Variants in ACSS3 observed in about 807,000 individuals in gnomAD.
ACSS3 encodes acyl-CoA synthetase short-chain family member 3, mitochondrial.
A neutral mutation model predicts 84.2 loss-of-function variants in ACSS3; 64 were observed. That is an observed-to-expected ratio of 0.76 (90% CI 0.62 to 0.94). The LOEUF is 0.94. Ranked by LOEUF, ACSS3 falls within the 40% of genes least tolerant of loss-of-function variation. ACSS3 has a pLI of 0.00. For missense variants in ACSS3, 815 were observed against 867.6 expected (o/e 0.94, Z 0.76); for synonymous variants, 317 against 310.1 (o/e 1.02, Z -0.23).
chr12:81,151,338 G>C (rs1345763580), intron 5 of ACSS3, among the ~76,000 whole-genome samples: 2 of 152,264 alleles, frequency 1.3e-5, no homozygotes, highest in African/African-American at 4.8e-5. Flanking sequence ...AAGTGTGCTT[G>C]CATGATCCTC....
In ACSS3 at chr12:81,213,454, G is replaced by C. The variant is rs189345790; in HGVS notation, c.1355-3447G>C. ...GTAACAACAACTACGGTCTTTTTCA[G>C]CTCACTTTTGTTCTACCTATGATTC... On this transcript the variant is annotated intron_variant, in intron 9 of 15. Coordinates refer to ENST00000548058, the MANE Select transcript of ACSS3 (RefSeq NM_024560.4). Among the ~76,000 whole-genome samples, 613 of 152,128 alleles carry C rather than the reference G, an allele frequency of 4.0e-3. 2 individuals are homozygous for C. The highest frequency in any genetic ancestry group is 6.8e-3 in the Middle Eastern group (2 of 294).
At chr12:81,153,407 C>CAAAAAAAAAAA (rs537765971) in intron 7 of ACSS3, among the ~76,000 whole-genome samples, 1 of 83,038 alleles carries the variant, frequency 1.2e-5, no homozygotes, top group Non-Finnish European at 2.6e-5. Flanking sequence ...GACTCCATCT[C>CAAAAAAAAAAA]AAAAAAAAAA....
intron 8 of ACSS3, among the ~76,000 whole-genome samples, chr12:81,177,529 C>T (rs2030579142): frequency 6.6e-6 from 1 of 151,974 alleles, no homozygotes; most frequent in Admixed American, 6.6e-5. Context: ...AACAGGCAAC[C>T]CACAAAATGG....
chr12:81,125,206 T>G (rs928045788), intron 2 of ACSS3, among the ~76,000 whole-genome samples: 3 of 151,734 alleles, frequency 2.0e-5, no homozygotes, highest in African/African-American at 7.3e-5. Context: ...AGAGCGAGAC[T>G]TCGTCTCAAA....
At chr12:81,186,267 C>T (rs1243052072) in intron 8 of ACSS3, among the ~76,000 whole-genome samples, 1 of 151,678 alleles carries the variant, frequency 6.6e-6, no homozygotes, top group Non-Finnish European at 1.5e-5. Context: ...TAGAAGAGAA[C>T]ATGGGGGAAA....
intron 5 of ACSS3, among the ~76,000 whole-genome samples, chr12:81,148,597 A>G (rs758049170): frequency 2.0e-5 from 3 of 152,130 alleles, no homozygotes; most frequent in Non-Finnish European, 4.4e-5. Flanking sequence ...GTCTTTATTC[A>G]GGGCACAGAG....
intron 5 of ACSS3, among the ~76,000 whole-genome samples, chr12:81,149,032 T>C (rs891904433): frequency 1.3e-5 from 2 of 151,312 alleles, no homozygotes; most frequent in South Asian, 2.1e-4. Flanking sequence ...GTGAGCAAGA[T>C]CGTGCCACTG....
At chr12:81,225,428 A>AGTTAGACTTGTGAATGATGAAG (rs2033241413) in intron 11 of ACSS3, among the ~76,000 whole-genome samples, 1 of 148,824 alleles carries the variant, frequency 6.7e-6, no homozygotes, top group Non-Finnish European at 1.5e-5. Flanking sequence ...ACTGATCCTC[A>AGTTAGACTTGTGAATGATGAAG]GTTAGACTTG....
intron 1 of ACSS3, among the ~76,000 whole-genome samples, chr12:81,092,208 C>A (rs1295515351): frequency 6.6e-6 from 1 of 151,866 alleles, no homozygotes; most frequent in African/African-American, 2.4e-5. Flanking sequence ...TTATTTTGTT[C>A]ATTCATCCAA....
chr12:81,225,549 G>A (rs2033245603), intron 11 of ACSS3, among the ~76,000 whole-genome samples: 1 of 151,912 alleles, frequency 6.6e-6, no homozygotes, highest in Non-Finnish European at 1.5e-5. Context: ...TCTCTTCCAA[G>A]CACTACTGGC....
chr12:81,081,713 C>T (rs1207532139), intron 1 of ACSS3, among the ~76,000 whole-genome samples: 1 of 152,164 alleles, frequency 6.6e-6, no homozygotes, highest in African/African-American at 2.4e-5. Flanking sequence ...ATTTAAACAA[C>T]ATTCAATGAT....
At chr12:81,081,468 T>G (rs1377159301) in intron 1 of ACSS3, among the ~76,000 whole-genome samples, 1 of 152,196 alleles carries the variant, frequency 6.6e-6, no homozygotes, top group African/African-American at 2.4e-5. Context: ...TTAGAGAGAC[T>G]TCAGTGGAGA....
At chr12:81,215,712 A>G (rs891182341) in intron 9 of ACSS3, among the ~76,000 whole-genome samples, 1 of 152,184 alleles carries the variant, frequency 6.6e-6, no homozygotes, top group Non-Finnish European at 1.5e-5. Flanking sequence ...CACTAACCAA[A>G]TACTATTTTC....
intron 1 of ACSS3, among the ~76,000 whole-genome samples, chr12:81,106,590 A>C (rs1883020511): frequency 6.6e-6 from 1 of 152,188 alleles, no homozygotes; most frequent in Non-Finnish European, 1.5e-5. Context: ...GATGCCAAAA[A>C]GGTTGGGGAC....
intron 11 of ACSS3, among the ~76,000 whole-genome samples, chr12:81,225,911 C>T (rs1170257431): frequency 6.6e-6 from 1 of 151,904 alleles, no homozygotes; most frequent in Non-Finnish European, 1.5e-5. Flanking sequence ...TTCTTCTCTA[C>T]TGTTCAAATC....
At chr12:81,114,119 T>A (rs1467033532) in intron 2 of ACSS3, among the ~76,000 whole-genome samples, 2 of 152,106 alleles carry the variant, frequency 1.3e-5, no homozygotes, top group Non-Finnish European at 2.9e-5. Flanking sequence ...ATTCACTAAA[T>A]AAGAACGTGT....
intron 5 of ACSS3, among the ~76,000 whole-genome samples, chr12:81,145,272 C>G (rs1240861615): frequency 6.6e-6 from 1 of 151,850 alleles, no homozygotes; most frequent in East Asian, 1.9e-4. Context: ...AATGGAAGAT[C>G]CTTTGATATT....
At chr12:81,178,903 A>G (rs991045280) in intron 8 of ACSS3, among the ~76,000 whole-genome samples, 3 of 152,198 alleles carry the variant, frequency 2.0e-5, no homozygotes, top group African/African-American at 7.2e-5. Context: ...CTATATTACA[A>G]GGCTACATTA....
intron 2 of ACSS3, among the ~76,000 whole-genome samples, chr12:81,113,479 A>T (rs1409061113): frequency 6.6e-6 from 1 of 152,072 alleles, no homozygotes. Flanking sequence ...ACTCAGTATC[A>T]TTCCTTACAT....
Sources: allele counts gnomAD v4.1 joint callset (sites outside exome capture counted in the v4.1 genomes callset), GRCh38; gene constraint gnomAD v4.1.1; transcripts MANE v1.5; gene names NCBI Gene and HGNC (gene_info 2026-07-23, HGNC 2026-07-21).